AFG1L: variants seen among roughly 807,000 people sequenced by gnomAD.
The protein encoded by AFG1L is AFG1 like ATPase.
AFG1L carries 53 observed loss-of-function variants against 62.2 expected under a neutral mutation model. The ratio of observed to expected loss-of-function variants is 0.85; its 90% CI spans 0.68 to 1.07. The LOEUF is 1.07. Among genes scored for constraint, AFG1L ranks in the 50% least tolerant of loss-of-function variants. The probability of loss-of-function intolerance (pLI) is 0.00; values close to 1 mark genes in which losing one functional copy is unlikely to be tolerated. For synonymous variants in AFG1L, 228 were observed against 210.3 expected, an observed-to-expected ratio of 1.08 and a Z score of -0.73; for missense variants, 555 against 590.5, an observed-to-expected ratio of 0.94 and a Z score of 0.62.
chr6:108,368,180 AT>A (rs1379767115), intron 6 of AFG1L, among the ~76,000 whole-genome samples: 8 of 150,036 alleles, frequency 5.3e-5, no homozygotes, highest in Admixed American at 5.3e-4. Flanking sequence ...TTTTGTTTTT[AT>A]TTATTTATTT....
In AFG1L at chr6:108,323,922, T is replaced by A. The variant is rs1166554029; in HGVS notation, c.237T>A (p.Tyr79Ter). 3.1e-6 allele frequency: 5 copies of A among 1,614,074 alleles called. No homozygotes were observed. Among genetic ancestry groups the A allele is most frequent in the Non-Finnish European group, 4.2e-6 (5 of 1,180,022 alleles). The stretch of plus-strand genomic sequence containing the variant: ...TTTGCCATGGACCTCTGGACCACTA[T>A]GATTTTCTGATCAAAGCTCATGAGC... ...LAVCHGPLDH[Y>*]DFLIKAHELK... Residue 79 changes from tyrosine to a stop codon, truncating the protein, a stop_gained, in exon 2 of 13, where the codon TAT becomes TAA. Coordinates refer to ENST00000368977, the MANE Select transcript of AFG1L (RefSeq NM_145315.5). LOFTEE classifies it high-confidence loss of function.
intron 8 of AFG1L, among the ~76,000 whole-genome samples, chr6:108,466,733 A>G (rs1249418499): frequency 3.4e-5 from 5 of 148,176 alleles, no homozygotes; most frequent in African/African-American, 7.4e-5. Flanking sequence ...AATTATATAT[A>G]TATATTTTTT....
rs193046179 is a variant in AFG1L, at chr6:108,500,855, G to A, written c.1063-9357G>A. On this transcript the variant is annotated intron_variant, in intron 10 of 12. Coordinates refer to ENST00000368977, the MANE Select transcript of AFG1L (RefSeq NM_145315.5). ...TTTTTAGTAATAGTCATTCTGACTT[G>A]TGTGAGATGATAGCTCATTGTGGTT... 1.3e-3 allele frequency among the ~76,000 whole-genome samples: 199 copies of A among 152,238 alleles called. 1 individual carries two copies. Among genetic ancestry groups the A allele is most frequent in the African/African-American group, 4.5e-3 (188 of 41,538 alleles).
intron 7 of AFG1L, among the ~76,000 whole-genome samples, chr6:108,427,185 C>T (rs1209135846): frequency 6.6e-6 from 1 of 152,120 alleles, no homozygotes; most frequent in Non-Finnish European, 1.5e-5. Context: ...TCACTACAGA[C>T]TCCATCTCCT....
chr6:108,390,916 C>T (rs904046230), intron 6 of AFG1L, among the ~76,000 whole-genome samples: 5 of 152,132 alleles, frequency 3.3e-5, no homozygotes, highest in African/African-American at 7.2e-5. Context: ...AGAAATCACC[C>T]GTCTTCTGCG....
At chr6:108,353,475 G>C (rs1296856773) in intron 3 of AFG1L, among the ~76,000 whole-genome samples, 1 of 151,950 alleles carries the variant, frequency 6.6e-6, no homozygotes, top group African/African-American at 2.4e-5. Context: ...TTTTTTTGAA[G>C]AACTGCCATA....
At chr6:108,482,527 A>G (rs1773365231) in intron 10 of AFG1L, among the ~76,000 whole-genome samples, 1 of 152,156 alleles carries the variant, frequency 6.6e-6, no homozygotes, top group Admixed American at 6.5e-5. Context: ...ATTATTAACT[A>G]AAGTCCATAT....
chr6:108,497,471 A>G (rs898846502), intron 10 of AFG1L, among the ~76,000 whole-genome samples: 5 of 151,742 alleles, frequency 3.3e-5, no homozygotes, highest in Admixed American at 1.3e-4. Context: ...ATTGTAGTCA[A>G]TCCTTGTCTC....
intron 2 of AFG1L, among the ~76,000 whole-genome samples, chr6:108,331,039 G>T (rs925730573): frequency 6.6e-6 from 1 of 152,048 alleles, no homozygotes; most frequent in Non-Finnish European, 1.5e-5. Context: ...TGTAATTCCG[G>T]CATTTTGAGA....
At chr6:108,313,714 A>AT (rs1281486860) in intron 1 of AFG1L, among the ~76,000 whole-genome samples, 1 of 151,894 alleles carries the variant, frequency 6.6e-6, no homozygotes, top group East Asian at 1.9e-4. Flanking sequence ...TAAGTTTTGT[A>AT]TTTTTTGTAG....
chr6:108,445,915 G>C (rs908716999), intron 7 of AFG1L, among the ~76,000 whole-genome samples: 4 of 152,112 alleles, frequency 2.6e-5, no homozygotes, highest in African/African-American at 9.7e-5. Context: ...AGCACATGCT[G>C]TTGGAAAATT....
At chr6:108,344,704 C>T in intron 2 of AFG1L, 1 of 470,842 alleles carries the variant, frequency 2.1e-6, no homozygotes, top group Non-Finnish European at 4.4e-6. Flanking sequence ...GTGGCATAAT[C>T]TTCACTTTTT....
chr6:108,323,801 A>C, intron 1 of AFG1L, 24 bp from the exon 2 acceptor site: 1 of 1,562,024 alleles, frequency 6.4e-7, no homozygotes, highest in Non-Finnish European at 8.8e-7. Flanking sequence ...AAGAAAGTCT[A>C]AAATTTTATG....
intron 8 of AFG1L, among the ~76,000 whole-genome samples, chr6:108,459,278 C>T (rs866225690): frequency 1.3e-5 from 2 of 152,162 alleles, no homozygotes; most frequent in Non-Finnish European, 2.9e-5. Flanking sequence ...CTGTGCTAGC[C>T]TCCCCAAATG....
intron 10 of AFG1L, among the ~76,000 whole-genome samples, chr6:108,506,181 G>C (rs1316060756): frequency 6.6e-6 from 1 of 152,080 alleles, no homozygotes; most frequent in Non-Finnish European, 1.5e-5. Context: ...AGTAGTATTT[G>C]CATATAACCC....
intron 6 of AFG1L, among the ~76,000 whole-genome samples, chr6:108,371,104 G>C (rs1208800469): frequency 6.6e-6 from 1 of 152,140 alleles, no homozygotes; most frequent in Non-Finnish European, 1.5e-5. Flanking sequence ...TGGGTCCAAG[G>C]CCTCACCCTC....
At chr6:108,515,688 T>C (rs961777532) in intron 11 of AFG1L, among the ~76,000 whole-genome samples, 1 of 152,028 alleles carries the variant, frequency 6.6e-6, no homozygotes, top group Non-Finnish European at 1.5e-5. Context: ...CAAAAAACCC[T>C]TCAAAAAATC....
At chr6:108,362,543 A>G (rs1779588383) in intron 5 of AFG1L, among the ~76,000 whole-genome samples, 1 of 152,208 alleles carries the variant, frequency 6.6e-6, no homozygotes, top group Admixed American at 6.5e-5. Flanking sequence ...TATACCATAC[A>G]TAGGTAATAG....
At chr6:108,470,409 C>G (rs1371996655) in intron 8 of AFG1L, among the ~76,000 whole-genome samples, 1 of 152,182 alleles carries the variant, frequency 6.6e-6, no homozygotes, top group East Asian at 1.9e-4. Context: ...ATAGAAGTGG[C>G]ACTGCTTATA....
Sources: gnomAD v4.1 joint callset for allele counts (sites outside exome capture counted in the v4.1 genomes callset) on GRCh38, gnomAD v4.1.1 for gene constraint, MANE v1.5 for transcripts, NCBI Gene and HGNC (gene_info 2026-07-23, HGNC 2026-07-21) for gene names.